The following BRCA1 variants were observed in gnomAD, a reference collection of about 807,000 sequenced individuals.
The protein encoded by BRCA1 is BRCA1 DNA repair associated.
Under a neutral mutation model 173.7 loss-of-function variants are expected in BRCA1, and 140 were observed. The ratio of observed to expected loss-of-function variants is 0.81; its 90% CI spans 0.70 to 0.93. BRCA1 has a LOEUF of 0.93. Among genes scored for constraint, BRCA1 ranks in the 40% least tolerant of loss-of-function variants. The pLI is 0.00. For missense variants in BRCA1, 1,983 were observed against 2,172.5 expected (o/e 0.91, Z 1.73); for synonymous variants, 662 against 756.0 (o/e 0.88, Z 2.04).
chr17:43,083,558 G>A (rs1432965986), intron 11 of BRCA1, among the ~76,000 whole-genome samples: 2 of 152,036 alleles, frequency 1.3e-5, no homozygotes, highest in South Asian at 2.1e-4. Context: ...AGCACCAGGC[G>A]CTGTCCTAGT....
intron 19 of BRCA1, among the ~76,000 whole-genome samples, chr17:43,052,801 ACACACACACACACACACACACACT>A (rs1250354264): frequency 3.5e-5 from 4 of 114,658 alleles, no homozygotes; most frequent in South Asian, 3.6e-4. Context: ...ACACACACAC[ACACACACACACACACACACACACT>A]CTCTTACTTT....
At chr17:43,058,291 T>C (rs2051598346) in intron 18 of BRCA1, among the ~76,000 whole-genome samples, 1 of 151,766 alleles carries the variant, frequency 6.6e-6, no homozygotes, top group African/African-American at 2.4e-5. Context: ...GGAGGATCAC[T>C]TGAGCCCAGG....
chr17:43,084,203 T>G (rs1196119634), intron 11 of BRCA1, among the ~76,000 whole-genome samples: 1 of 152,212 alleles, frequency 6.6e-6, no homozygotes, highest in Non-Finnish European at 1.5e-5. Context: ...GCTAATTTTT[T>G]GTATTTTTAG....
intron 3 of BRCA1, among the ~76,000 whole-genome samples, 191 bp downstream of exon 3, chr17:43,115,535 T>G (rs1231304576): frequency 1.3e-5 from 2 of 151,848 alleles, no homozygotes; most frequent in African/African-American, 2.4e-5. Context: ...ATGTCAAAAC[T>G]TTACCAGGAA....
chr17:43,139,052 G>C (rs1454664288), intron 1 of BRCA1: 4 of 705,530 alleles, frequency 5.7e-6, no homozygotes, highest in Admixed American at 2.1e-5. Flanking sequence ...AGTAATTTCT[G>C]TTTTCCTATC....
chr17:43,092,839 T>C lies in BRCA1; in HGVS notation c.2692A>G (p.Lys898Glu), dbSNP rs80357420. 6.2e-7 allele frequency: 1 copy of C among 1,614,042 alleles called. No homozygotes were observed. The highest frequency in any genetic ancestry group is 8.5e-7 in the Non-Finnish European group (1 of 1,180,008). ...TTTTGTTCACATTCAAAAGTGACTT[T>C]TGGACTTTGTTTCTTTAAGGACCCA... Reference protein sequence around the residue: ...HSGSLKKQSPKVTFECEQKEE... With the variant: ...HSGSLKKQSPEVTFECEQKEE... The change falls in exon 10 of 23, where the codon AAA becomes GAA. Residue 898 changes from lysine (K) to glutamate (E), a missense_variant. Lys to Glu is a moderately conservative substitution (Grantham distance 56). Coordinates refer to ENST00000357654, the MANE Select transcript of BRCA1 (RefSeq NM_007294.4).
At chr17:43,094,947 C>T in intron 9 of BRCA1, 87 bp from the exon 10 acceptor site, 1 of 1,240,030 alleles carries the variant, frequency 8.1e-7, no homozygotes, top group South Asian at 1.3e-5. Context: ...AGGTGGAAAT[C>T]AACCAACTGG....
At chr17:43,117,411 T>C (rs886169337) in intron 2 of BRCA1, among the ~76,000 whole-genome samples, 1 of 151,952 alleles carries the variant, frequency 6.6e-6, no homozygotes, top group African/African-American at 2.4e-5. Flanking sequence ...GCCACTGCAC[T>C]CCAGCCTAGG....
chr17:43,104,072 AAAAAAAAAGAAAAGAAGAAG>A (rs2054608255), intron 6 of BRCA1, 30 bp downstream of exon 6: 9 of 1,556,962 alleles, frequency 5.8e-6, no homozygotes, highest in Admixed American at 3.7e-5. Flanking sequence ...AAAAAAAAGA[AAAAAAAAAGAAAAGAAGAAG>A]AAGAAGAAGA....
intron 5 of BRCA1, among the ~76,000 whole-genome samples, chr17:43,104,549 C>G (rs1278713101): frequency 6.6e-6 from 1 of 152,136 alleles, no homozygotes; most frequent in East Asian, 1.9e-4. Flanking sequence ...AAAGCTAAGA[C>G]ACCAACAATG....
At chr17:43,090,319 C>T (rs551930387) in intron 11 of BRCA1, among the ~76,000 whole-genome samples, 51 of 152,234 alleles carry the variant, frequency 3.4e-4, no homozygotes, top group Non-Finnish European at 6.0e-4. Flanking sequence ...CTTTTTCTCA[C>T]CTCTCTTGAT....
rs756748588 is a variant in BRCA1, at chr17:43,093,453, T to C, written c.2078A>G (p.Asp693Gly). The C allele has an allele frequency of 8.1e-6, 13 of 1,614,068 alleles. No homozygotes were observed. The highest frequency in any genetic ancestry group is 8.5e-7 in the Non-Finnish European group (1 of 1,179,952). ...CTTCAGCTCTGGGAAAGTATCGCTG[T>C]CATGTCTTTTACTTGTCTGTTCATT... Reference protein sequence around the residue: ...KPNEQTSKRHDSDTFPELKLT... With the variant: ...KPNEQTSKRHGSDTFPELKLT... The change falls in exon 10 of 23, where the codon GAC (aspartate) becomes GGC (glycine). Residue 693 changes from aspartate (D) to glycine (G), a missense_variant. By Grantham distance (94) the Asp-to-Gly change is moderately conservative. Transcript: ENST00000357654.
chr17:43,123,011 C>T (rs537514613), intron 2 of BRCA1, among the ~76,000 whole-genome samples: 6 of 151,380 alleles, frequency 4.0e-5, no homozygotes, highest in South Asian at 2.1e-4. Flanking sequence ...GAGCTGAGAT[C>T]GCGCCACTGC....
upstream of BRCA1, among the ~76,000 whole-genome samples, chr17:43,129,737 G>A (rs1877837): frequency 0.3 from 45,737 of 152,062 alleles, 7,445 homozygotes; most frequent in South Asian, 0.49. Context: ...GCCTCCCAAA[G>A]TGCTGGGATT....
chr17:43,149,179 A>T (rs764693818), intron 1 of BRCA1, among the ~76,000 whole-genome samples: 1 of 150,712 alleles, frequency 6.6e-6, no homozygotes, highest in Non-Finnish European at 1.5e-5. Flanking sequence ...GCTCACTGCA[A>T]GCTCTGCCTC....
rs2154444737 is a variant in BRCA1 at position 43,094,068 on chromosome 17, G to C, written c.1463C>G (p.Thr488Ser). Reference sequence around the variant, plus strand: ...ACGCTCTTGTATTATCTGTGGCTCAGTAACAAATGCTCCTATAATTAGATT... The same window carrying C: ...ACGCTCTTGTATTATCTGTGGCTCACTAACAAATGCTCCTATAATTAGATT... ...TENLIIGAFV[T>S]EPQIIQERPL... Residue 488 changes from threonine to serine, a missense_variant, in exon 10 of 23, where the codon ACT (threonine) becomes AGT (serine). Thr to Ser is a moderately conservative substitution (Grantham distance 58, BLOSUM62 1). Transcript: ENST00000357654. The C allele has an allele frequency of 6.2e-7, 1 of 1,614,068 alleles. No homozygotes were observed. Among genetic ancestry groups the C allele is most frequent in the Non-Finnish European group, 8.5e-7 (1 of 1,179,988 alleles).
At chr17:43,079,783 G>C (rs1424241850) in intron 12 of BRCA1, 10 of 924,834 alleles carry the variant, frequency 1.1e-5, no homozygotes, top group Non-Finnish European at 1.4e-5. Flanking sequence ...TGGCATAATA[G>C]GTGTTAAAAA....
At chr17:43,140,867 T>C (rs2056070481) in intron 1 of BRCA1, among the ~76,000 whole-genome samples, 2 of 152,246 alleles carry the variant, frequency 1.3e-5, no homozygotes, top group African/African-American at 4.8e-5. Context: ...TCTGAACTGC[T>C]GCATTTCCTG....
intron 19 of BRCA1, among the ~76,000 whole-genome samples, chr17:43,056,675 G>GA (rs113472038): frequency 0.073 from 10,430 of 142,898 alleles, 429 homozygotes; most frequent in Non-Finnish European, 0.083. Flanking sequence ...TCCGTCTTGG[G>GA]AAAAAAAAAA....
Sources: allele counts gnomAD v4.1 joint callset (sites outside exome capture counted in the v4.1 genomes callset), GRCh38; gene constraint gnomAD v4.1.1; transcripts MANE v1.5; gene names NCBI Gene and HGNC (gene_info 2026-07-23, HGNC 2026-07-21).